MBD1: variants seen among roughly 807,000 people sequenced by gnomAD.
MBD1 encodes methyl-CpG-binding domain protein 1.
In MBD1, 25 loss-of-function variants were observed where a neutral mutation model predicts 82.6. The observed-to-expected ratio is 0.30, with a 90% confidence interval of 0.22 to 0.42. MBD1 has a LOEUF of 0.42. MBD1 is among the 10% of genes least tolerant of loss of function. MBD1 has a pLI of 1.00. For synonymous variants in MBD1, 301 were observed against 303.7 expected, an observed-to-expected ratio of 0.99 and a Z score of 0.09; for missense variants, 627 against 819.6, an observed-to-expected ratio of 0.76 and a Z score of 2.87.
chr18:50,272,532 C>G, intron 15 of MBD1, 145 bp downstream of exon 15: 5 of 858,926 alleles, frequency 5.8e-6, no homozygotes, highest in Non-Finnish European at 9.9e-6. Flanking sequence ...ACACACACGC[C>G]CCTCATTAAT....
At chr18:50,275,423 G>A (rs1367713019) in intron 8 of MBD1, 177 bp downstream of exon 8, 4 of 1,603,162 alleles carry the variant, frequency 2.5e-6, no homozygotes, top group South Asian at 1.1e-5. Flanking sequence ...TGATGACGGC[G>A]ACGCAGGCGG....
intron 1 of MBD1, chr18:50,281,132 C>T (rs1382713242): frequency 6.5e-7 from 1 of 1,530,882 alleles, no homozygotes; most frequent in Non-Finnish European, 8.7e-7. Context: ...CCATTCCTCT[C>T]CGTCCTCGTC....
intron 2 of MBD1, among the ~76,000 whole-genome samples, chr18:50,279,517 C>A (rs927262213): frequency 1.3e-5 from 2 of 152,092 alleles, no homozygotes; most frequent in Non-Finnish European, 2.9e-5. Flanking sequence ...TTTTAAAAAG[C>A]AAAATCACCA....
Position 50,272,694 on chromosome 18 carries a change from T to C in MBD1, c.1761A>G (p.Thr587=), listed in dbSNP as rs2036099683. 2 of 1,614,156 alleles carry C rather than the reference T, an allele frequency of 1.2e-6. No individual in the cohort carries two copies. Among genetic ancestry groups the C allele is most frequent in the Non-Finnish European group, 1.7e-6 (2 of 1,180,022 alleles). The change falls in exon 15 of 17, where the codon ACA becomes ACG. Residue 587 remains threonine, a synonymous_variant. Transcript: ENST00000269468. ...FSLGGTRFRD[T]AVWLPRSKDL... ...GGGCACACCTTGGCAACCAGACTGC[T>C]GTATCTCGGAAGCGGGTTCCACCCA...
Position 50,269,649 on chromosome 18 carries a change from A to G in MBD1, c.*202T>C, listed in dbSNP as rs2034634972. The G allele has an allele frequency of 4.0e-6, 3 of 748,538 alleles. No individual in the cohort carries two copies. Among genetic ancestry groups the G allele is most frequent in the Non-Finnish European group, 7.5e-6 (3 of 399,956 alleles). The allele number at this position is 748,538 out of a possible 1,614,324, so 46.4% of individuals were successfully genotyped here. On this transcript the variant is annotated 3_prime_UTR_variant, in exon 17 of 17. Coordinates refer to ENST00000269468, the MANE Select transcript of MBD1 (RefSeq NM_015846.4). ...CATATTTAACTCTGTGAGGAAGGGC[A>G]CCAGCTTCTTCTGCAGGACACCCAC...
intron 16 of MBD1, chr18:50,270,283 C>G: frequency 1.1e-6 from 1 of 903,174 alleles, no homozygotes; most frequent in Non-Finnish European, 1.8e-6. Context: ...ACACAGGATA[C>G]AAAGTTTAAG....
In MBD1 at chr18:50,271,456, C is replaced by A. The variant is rs1826161020; in HGVS notation, c.*32+13G>T. On this transcript the variant is annotated intron_variant, in intron 16 of 16. Transcript: ENST00000269468. ...CAGTGTTGTCTCTCATAAAGCCAGT[C>A]TGCAAATATCACCTTGAATCCTACA... is the stretch of plus-strand genomic sequence containing the variant. 2 of 1,614,134 alleles carry A rather than the reference C, an allele frequency of 1.2e-6. No individual in the cohort carries two copies. Among genetic ancestry groups the A allele is most frequent in the Middle Eastern group, 1.6e-4 (1 of 6,062 alleles).
upstream of MBD1, chr18:50,281,611 A>G (rs1568284050): frequency 2.2e-6 from 1 of 458,168 alleles, no homozygotes; most frequent in Admixed American, 3.8e-5. Flanking sequence ...TGCCCTTAAT[A>G]GGGAGGCTCC....
chr18:50,269,499 C>T lies in MBD1; in HGVS notation c.*352G>A. The T allele has an allele frequency of 5.6e-6, 4 of 715,962 alleles. No homozygotes were observed. Among genetic ancestry groups the T allele is most frequent in the South Asian group, 3.0e-5 (2 of 66,558 alleles). The allele number at this position is 715,962 out of a possible 1,614,324, so 44.4% of individuals were successfully genotyped here. On this transcript the variant is annotated 3_prime_UTR_variant, in exon 17 of 17. Coordinates refer to ENST00000269468, the MANE Select transcript of MBD1 (RefSeq NM_015846.4). ...GCACCAGGCGTTGTTGCAGTTCACA[C>T]GTTGCCATGTATCTGCTAGATCACC...
At chr18:50,280,091 A>G (rs1171799047) in intron 1 of MBD1, 74 bp from the exon 2 acceptor site, 1 of 1,436,218 alleles carries the variant, frequency 7.0e-7, no homozygotes, top group Non-Finnish European at 9.4e-7. Flanking sequence ...GGCCACACAA[A>G]TCACTGGTAT....
At chr18:50,267,245 T>C (rs760258323), downstream of MBD1, 3 of 240,380 alleles carry the variant, frequency 1.2e-5, no homozygotes, top group East Asian at 2.7e-4. Context: ...GCCGCAAATA[T>C]CTTACAGGGT....
intron 10 of MBD1, among the ~76,000 whole-genome samples, chr18:50,274,584 C>T (rs764225590): frequency 3.3e-5 from 5 of 152,186 alleles, no homozygotes; most frequent in Admixed American, 6.5e-5. Context: ...TGTGGCTGCT[C>T]CACTACAGTA....
At chr18:50,272,613 A>C (rs2146119051) in intron 15 of MBD1, 64 bp downstream of exon 15, 1 of 1,586,774 alleles carries the variant, frequency 6.3e-7, no homozygotes, top group Middle Eastern at 1.7e-4. Context: ...TATACTTTCA[A>C]AACTCAGGGC....
chr18:50,273,516 C>T (rs1367605589), intron 12 of MBD1, 45 bp from the exon 13 acceptor site: 8 of 1,613,646 alleles, frequency 5.0e-6, no homozygotes, highest in Non-Finnish European at 6.8e-6. Context: ...AGCTCCCTGG[C>T]ATGCAGCTGG....
intron 16 of MBD1, chr18:50,270,391 G>A (rs1232196118): frequency 9.5e-6 from 5 of 524,088 alleles, no homozygotes; most frequent in Non-Finnish European, 1.8e-5. Flanking sequence ...AGAGAGTGAG[G>A]TAGGGCTGAG....
chr18:50,276,412 C>A lies in MBD1; in HGVS notation c.482G>T (p.Arg161Ile). The A allele has an allele frequency of 6.2e-7, 1 of 1,614,148 alleles. No homozygotes were observed. The highest frequency in any genetic ancestry group is 1.1e-5 in the South Asian group (1 of 91,070). ...TCTCTGTTCCCGGTTGAAGGCAATT[C>A]TCTGTGCTGTGGGGAGGAAGAGGGA... ...KTLCKDCRAQRIAFNREQRMF... is the reference protein window; with the variant it reads ...KTLCKDCRAQIIAFNREQRMF... Residue 161 changes from arginine (R) to isoleucine (I), a missense_variant, in exon 6 of 17, where the codon AGA becomes ATA. Around this residue, in one of 6 missense-constraint regions of MBD1, gnomAD observed 228 missense variants for 318.1 expected, o/e 0.72. Coordinates refer to ENST00000269468, the MANE Select transcript of MBD1 (RefSeq NM_015846.4).
chr18:50,269,728 T>C lies in MBD1; in HGVS notation c.*123A>G, dbSNP rs1568177583. 1.3e-6 allele frequency: 1 copy of C among 781,266 alleles called. No individual in the cohort carries two copies. Among genetic ancestry groups the C allele is most frequent in the East Asian group, 2.4e-5 (1 of 41,256 alleles). The allele number at this position is 781,266 out of a possible 1,614,324, so 48.4% of individuals were successfully genotyped here. A position where few individuals can be genotyped will look rare whatever the true frequency, so the allele number is the denominator to read the frequency against. On this transcript the variant is annotated 3_prime_UTR_variant, in exon 17 of 17. Transcript: ENST00000269468. ...TGACATGGGTTCCAGGCCATCCTCGTGGGTTCCAGCTCGTGCTCGTGGGCT... is the reference window on the plus strand; with the variant it reads ...TGACATGGGTTCCAGGCCATCCTCGCGGGTTCCAGCTCGTGCTCGTGGGCT...
rs140700174 is a variant in MBD1, at chr18:50,272,979, A to G, written c.1585-24T>C. On this transcript the variant is annotated intron_variant, in intron 13 of 16. Coordinates refer to ENST00000269468, the MANE Select transcript of MBD1 (RefSeq NM_015846.4). ...GCCTGGGAGAAGTAGGAAACAGGCA[A>G]CCATTAGAAGGGCAGAGTTCACCTG... 981 of 1,613,952 alleles carry G rather than the reference A, an allele frequency of 6.1e-4. 5 individuals are homozygous for G. In the African/African-American group the frequency reaches 0.011, roughly 19 times the overall value.
intron 15 of MBD1, 69 bp from the exon 16 acceptor site, chr18:50,271,609 C>T: frequency 6.6e-7 from 1 of 1,517,518 alleles, no homozygotes; most frequent in South Asian, 1.1e-5. Flanking sequence ...CATTACAAAA[C>T]CATTTCCTAC....
Sources: gnomAD v4.1 joint callset for allele counts (sites outside exome capture counted in the v4.1 genomes callset) on GRCh38, gnomAD v4.1.1 for gene constraint, gnomAD v4.1.1 regional missense constraint, MANE v1.5 for transcripts, NCBI Gene and HGNC (gene_info 2026-07-23, HGNC 2026-07-21) for gene names.